The following ME3 variants were observed in gnomAD, a reference collection of about 807,000 sequenced individuals.
The protein encoded by ME3 is NADP-dependent malic enzyme, mitochondrial.
Under a neutral mutation model 68.9 loss-of-function variants are expected in ME3, and 48 were observed. That is an observed-to-expected ratio of 0.70 (90% CI 0.55 to 0.89). The LOEUF is 0.89. ME3 is among the 40% of genes least tolerant of loss of function. The pLI is 0.00. For synonymous variants in ME3, 320 were observed against 318.8 expected (o/e 1.00, Z -0.04); for missense variants, 675 against 797.4 (o/e 0.85, Z 1.85).
At chr11:86,642,780 G>T (rs529826162) in intron 2 of ME3, among the ~76,000 whole-genome samples, 1 of 152,244 alleles carries the variant, frequency 6.6e-6, no homozygotes, top group Non-Finnish European at 1.5e-5. Context: ...ACACCTTCAT[G>T]AATTTCATGT....
chr11:86,538,311 C>G (rs1955823186), intron 4 of ME3, among the ~76,000 whole-genome samples: 1 of 152,152 alleles, frequency 6.6e-6, no homozygotes, highest in Non-Finnish European at 1.5e-5. Flanking sequence ...TGGCCTTAGG[C>G]AAGTCTCTGC....
At chr11:86,450,503 A>G in intron 8 of ME3, 105 bp from the exon 9 acceptor site, 1 of 867,844 alleles carries the variant, frequency 1.2e-6, no homozygotes, top group South Asian at 1.5e-5. Context: ...AGGAACAGGC[A>G]ACTTTTCTTA....
intron 4 of ME3, among the ~76,000 whole-genome samples, chr11:86,511,067 A>G (rs948372206): frequency 6.6e-6 from 1 of 152,156 alleles, no homozygotes; most frequent in Non-Finnish European, 1.5e-5. Context: ...TACTTTCTAA[A>G]TAACTCCTGG....
chr11:86,629,107 A>G (rs530431112), intron 2 of ME3, among the ~76,000 whole-genome samples: 4 of 152,272 alleles, frequency 2.6e-5, no homozygotes, highest in African/African-American at 9.6e-5. Flanking sequence ...AGTGAATTCA[A>G]TGGGTCTGAC....
intron 5 of ME3, among the ~76,000 whole-genome samples, chr11:86,508,327 C>T (rs1182492537): frequency 6.6e-6 from 1 of 152,222 alleles, no homozygotes; most frequent in Non-Finnish European, 1.5e-5. Flanking sequence ...CCCTGAATCT[C>T]CTCAGGCTAA....
chr11:86,573,384 G>C (rs1435917297), intron 2 of ME3, among the ~76,000 whole-genome samples: 1 of 149,016 alleles, frequency 6.7e-6, no homozygotes, highest in East Asian at 1.9e-4. Flanking sequence ...TATTGCCTAG[G>C]TTTTCTTCTA....
At chr11:86,531,586 C>T (rs1955235644) in intron 4 of ME3, among the ~76,000 whole-genome samples, 1 of 152,158 alleles carries the variant, frequency 6.6e-6, no homozygotes, top group Non-Finnish European at 1.5e-5. Flanking sequence ...ATAGCAAAGA[C>T]TTGGAACCAA....
chr11:86,595,836 G>C (rs1450364665), intron 2 of ME3, among the ~76,000 whole-genome samples: 1 of 152,244 alleles, frequency 6.6e-6, no homozygotes, highest in Non-Finnish European at 1.5e-5. Context: ...AAGCTCCCAG[G>C]TATGCTGTTA....
At chr11:86,623,631 A>G (rs147564307) in intron 2 of ME3, among the ~76,000 whole-genome samples, 93 of 152,322 alleles carry the variant, frequency 6.1e-4, no homozygotes, top group Middle Eastern at 3.4e-3. Flanking sequence ...TTTTGGCTTC[A>G]TACTGTTTAA....
intron 8 of ME3, among the ~76,000 whole-genome samples, chr11:86,463,197 T>G (rs1950313804): frequency 6.6e-6 from 1 of 152,172 alleles, no homozygotes; most frequent in South Asian, 2.1e-4. Context: ...TATACACATG[T>G]GGCTGTCTGT....
At chr11:86,597,064 G>T (rs555753921) in intron 2 of ME3, among the ~76,000 whole-genome samples, 2 of 152,244 alleles carry the variant, frequency 1.3e-5, no homozygotes, top group Admixed American at 6.5e-5. Flanking sequence ...GGCAGAGCAG[G>T]AAATCTGACA....
intron 2 of ME3, among the ~76,000 whole-genome samples, chr11:86,603,643 T>C (rs1377605199): frequency 2.0e-5 from 3 of 151,972 alleles, no homozygotes; most frequent in Admixed American, 6.6e-5. Context: ...GACACATGCA[T>C]ACATATGTTT....
chr11:86,590,832 T>C (rs1223991199), intron 2 of ME3, among the ~76,000 whole-genome samples: 1 of 152,188 alleles, frequency 6.6e-6, no homozygotes, highest in Non-Finnish European at 1.5e-5. Flanking sequence ...CAGGCAAGGA[T>C]TGTTCCAATT....
intron 2 of ME3, among the ~76,000 whole-genome samples, chr11:86,668,740 C>T (rs548416258): frequency 6.6e-6 from 1 of 152,338 alleles, no homozygotes; most frequent in Non-Finnish European, 1.5e-5. Flanking sequence ...CACCTCCTGA[C>T]CACCCTCTGT....
At chr11:86,642,106 G>T (rs1384326168) in intron 2 of ME3, among the ~76,000 whole-genome samples, 1 of 152,154 alleles carries the variant, frequency 6.6e-6, no homozygotes, top group Non-Finnish European at 1.5e-5. Flanking sequence ...TTTGTGAAAG[G>T]TTCATGTTGC....
intron 7 of ME3, among the ~76,000 whole-genome samples, chr11:86,468,426 C>T (rs1180904033): frequency 6.6e-6 from 1 of 152,186 alleles, no homozygotes; most frequent in African/African-American, 2.4e-5. Context: ...CATCATCCAT[C>T]CATCCTTGAT....
At chr11:86,516,351 A>C (rs1235175382) in intron 4 of ME3, among the ~76,000 whole-genome samples, 1 of 134,218 alleles carries the variant, frequency 7.5e-6, no homozygotes, top group African/African-American at 2.7e-5. Context: ...AGTAAATAAA[A>C]TCTCTCTCTC....
chr11:86,557,045 G>A (rs899649170), intron 3 of ME3, among the ~76,000 whole-genome samples: 1 of 152,152 alleles, frequency 6.6e-6, no homozygotes, highest in Non-Finnish European at 1.5e-5. Flanking sequence ...CATGGCGTGT[G>A]GGAATTTGAA....
In ME3 at chr11:86,472,146, G is replaced by A. The variant is rs866130857; in HGVS notation, c.810-6946C>T. 3.0e-4 allele frequency among the ~76,000 whole-genome samples: 46 copies of A among 152,262 alleles called. No homozygotes were observed. In the Middle Eastern group the frequency reaches 0.01, roughly 34 times the overall value. On this transcript the variant is annotated intron_variant, in intron 7 of 14. Transcript: ENST00000543262. ...ATCTCAAGGAGAGGGAACAGCATATGCATGAGGACTGAGTGAGTATGGTGC... is the reference window on the plus strand; with the variant it reads ...ATCTCAAGGAGAGGGAACAGCATATACATGAGGACTGAGTGAGTATGGTGC...
Sources: allele counts gnomAD v4.1 joint callset (sites outside exome capture counted in the v4.1 genomes callset), GRCh38; gene constraint gnomAD v4.1.1; transcripts MANE v1.5; gene names NCBI Gene and HGNC (gene_info 2026-07-23, HGNC 2026-07-21).